Variants in MEGF6 observed in about 807,000 individuals in gnomAD.
The protein encoded by MEGF6 is multiple EGF like domains 6.
Under a neutral mutation model 207.1 loss-of-function variants are expected in MEGF6, and 184 were observed. That is an observed-to-expected ratio of 0.89 (90% CI 0.79 to 1.00). The LOEUF (loss-of-function observed/expected upper bound fraction) is 1.00. MEGF6 is among the 50% of genes least tolerant of loss of function. The pLI, the probability that MEGF6 is intolerant of heterozygous loss-of-function variation, is 0.00. For missense variants in MEGF6, 2,282 were observed against 2,202.9 expected, an observed-to-expected ratio of 1.04 and a Z score of -0.72; for synonymous variants, 1,038 against 910.0, an observed-to-expected ratio of 1.14 and a Z score of -2.53.
chr1:3,495,312 C>G (rs1272076951), intron 30 of MEGF6, among the ~76,000 whole-genome samples: 1 of 152,194 alleles, frequency 6.6e-6, no homozygotes, highest in African/African-American at 2.4e-5. Flanking sequence ...AGGCCAAGAA[C>G]TGCTGTGGGG....
At chr1:3,499,764 C>T (rs1294314673) in intron 22 of MEGF6, 32 bp downstream of exon 22, 1 of 1,581,664 alleles carries the variant, frequency 6.3e-7, no homozygotes, top group African/African-American at 1.3e-5. Context: ...TGGAGGCCAC[C>T]CAGCCTAGCC....
rs1013007246 is a variant in MEGF6, at chr1:3,565,523, G to A, written c.481+14302C>T. ...CAGGGAGCAGGACCAGGAGCCTATC[G>A]GTGCCTGGCTTGAGAGGAGGACGCT... On this transcript the variant is annotated intron_variant, in intron 4 of 36. Coordinates refer to ENST00000356575, the MANE Select transcript of MEGF6 (RefSeq NM_001409.4). This position sits in a 1 kb window ranked among gnomAD's most constrained non-coding sequence, Gnocchi z 4.8. Among the ~76,000 whole-genome samples, 2 of 152,176 alleles carry A rather than the reference G, an allele frequency of 1.3e-5. No homozygotes were observed. The highest frequency in any genetic ancestry group is 2.9e-5 in the Non-Finnish European group (2 of 68,022).
intron 3 of MEGF6, among the ~76,000 whole-genome samples, chr1:3,585,878 G>A (rs1025753467): frequency 7.0e-6 from 1 of 143,744 alleles, no homozygotes; most frequent in South Asian, 2.3e-4. Context: ...TGGGTGTGAG[G>A]ACACATGTCC....
intron 4 of MEGF6, among the ~76,000 whole-genome samples, chr1:3,535,413 C>A (rs1180418880): frequency 6.6e-6 from 1 of 152,196 alleles, no homozygotes; most frequent in Non-Finnish European, 1.5e-5. Context: ...CCTCATCTGA[C>A]AGGCAGCAGG....
upstream of MEGF6, among the ~76,000 whole-genome samples, chr1:3,611,890 G>C (rs1177170024): frequency 6.6e-6 from 1 of 151,966 alleles, no homozygotes; most frequent in Non-Finnish European, 1.5e-5. Flanking sequence ...CCGGGCGCCA[G>C]GGGGCCACAC....
chr1:3,500,057 A>C, intron 21 of MEGF6, 133 bp from the exon 22 acceptor site: 1 of 1,315,960 alleles, frequency 7.6e-7, no homozygotes, highest in Non-Finnish European at 1.0e-6. Flanking sequence ...TGCCCAAGGG[A>C]GACTGGGCTC....
rs746820115 is a variant in MEGF6, at chr1:3,492,726, AG to A, written c.4428del (p.Cys1477ValfsTer41). 9.9e-6 allele frequency: 16 copies of A among 1,612,458 alleles called. No homozygotes were observed. The highest frequency in any genetic ancestry group is 1.4e-5 in the Non-Finnish European group (16 of 1,179,844). On this transcript the variant is annotated frameshift_variant, in exon 35 of 37. Transcript: ENST00000356575. LOFTEE classifies it high-confidence loss of function. ...RGQFGPSCTL[H>X]CDCGGGADCD... ...CAGTCAGCCCCACCCCCGCAGTCAC[AG>A]TGCAGGGTGCAGCTGGGCCCAAACT...
At chr1:3,518,844 G>A (rs369111095) in intron 5 of MEGF6, among the ~76,000 whole-genome samples, 1 of 152,308 alleles carries the variant, frequency 6.6e-6, no homozygotes, top group South Asian at 2.1e-4. Flanking sequence ...GGCAGGCTGG[G>A]GTGCGTGTTC....
At chr1:3,549,497 G>T (rs1642818513) in intron 4 of MEGF6, among the ~76,000 whole-genome samples, 1 of 152,244 alleles carries the variant, frequency 6.6e-6, no homozygotes, top group African/African-American at 2.4e-5. Context: ...TAGGCGAGAA[G>T]ATGGGGGGCT....
At chr1:3,619,981 A>G in the MEGF6 span, among the ~76,000 whole-genome samples, 2 of 152,220 alleles carry the variant, frequency 1.3e-5, no homozygotes, top group East Asian at 1.9e-4. Context: ...GTCCAGGCTG[A>G]TGTGGTCTCA....
chr1:3,498,696 A>T lies in MEGF6; in HGVS notation c.3223+2T>A. On this transcript the variant is annotated splice_donor_variant, in intron 25 of 36. Coordinates refer to ENST00000356575, the MANE Select transcript of MEGF6 (RefSeq NM_001409.4). LOFTEE classifies it high-confidence loss of function. The stretch of plus-strand genomic sequence containing the variant: ...GTCCCTCCTCTGCCGCCCAGCGCTC[A>T]CCCTTCTCACAGGCCAGGCCGGCCC... The T allele has an allele frequency of 6.4e-7, 1 of 1,562,172 alleles. No individual in the cohort carries two copies. The highest frequency in any genetic ancestry group is 8.7e-7 in the Non-Finnish European group (1 of 1,156,066).
intron 4 of MEGF6, among the ~76,000 whole-genome samples, chr1:3,540,333 G>T (rs1351388343): frequency 2.6e-5 from 4 of 152,260 alleles, no homozygotes; most frequent in African/African-American, 9.6e-5. Flanking sequence ...TGCCTGGAAG[G>T]AACACACCTT....
At chr1:3,552,500 C>A (rs915758101) in intron 4 of MEGF6, among the ~76,000 whole-genome samples, 1 of 152,226 alleles carries the variant, frequency 6.6e-6, no homozygotes, top group Non-Finnish European at 1.5e-5. Flanking sequence ...ACTTTGAGAC[C>A]AGCCTGGGCA....
chr1:3,551,948 T>A (rs1389672458), intron 4 of MEGF6, among the ~76,000 whole-genome samples: 1 of 152,216 alleles, frequency 6.6e-6, no homozygotes, highest in Non-Finnish European at 1.5e-5. Flanking sequence ...CAAGCCTTGC[T>A]GGGTGCCCAG....
chr1:3,496,069 C>T (rs370346715), intron 29 of MEGF6, 51 bp from the exon 30 acceptor site: 83 of 1,464,646 alleles, frequency 5.7e-5, no homozygotes, highest in African/African-American at 3.4e-4. Context: ...TCTCCCTGCC[C>T]GGTCAACCCC....
intron 15 of MEGF6, 45 bp downstream of exon 15, chr1:3,506,062 AC>A (rs1220013984): frequency 4.8e-5 from 74 of 1,541,288 alleles, no homozygotes; most frequent in Non-Finnish European, 6.0e-5. Context: ...CATCCCTTCC[AC>A]CCGCTGCCAC....
At chr1:3,571,485 C>T (rs546359485) in intron 4 of MEGF6, among the ~76,000 whole-genome samples, 123 of 151,650 alleles carry the variant, frequency 8.1e-4, no homozygotes, top group Non-Finnish European at 1.4e-3. Context: ...TGGGTCCTCC[C>T]GGCTCCAAAG....
At chr1:3,555,364 A>AT (rs1643002337) in intron 4 of MEGF6, among the ~76,000 whole-genome samples, 1 of 152,188 alleles carries the variant, frequency 6.6e-6, no homozygotes, top group African/African-American at 2.4e-5. Context: ...CCAGGCTGGC[A>AT]TGGCCTCAGG....
rs576304264 is a variant in MEGF6 at position 3,594,322 on chromosome 1, G to A, written c.376+1016C>T. On this transcript the variant is annotated intron_variant, in intron 3 of 36. Transcript: ENST00000356575. The surrounding 1 kb of genome is among the most constrained non-coding windows in gnomAD (Gnocchi z 4.2). ...TGCACACCTACAGTCTCAGCCACTC[G>A]GGAGGCTGAGGTGGGAGGATTGCTT... 7.2e-5 allele frequency among the ~76,000 whole-genome samples: 11 copies of A among 152,194 alleles called. No individual in the cohort carries two copies. The highest frequency in any genetic ancestry group is 1.3e-4 in the Non-Finnish European group (9 of 68,038).
Sources: allele counts gnomAD v4.1 joint callset (sites outside exome capture counted in the v4.1 genomes callset), GRCh38; gene constraint gnomAD v4.1.1; non-coding constraint Gnocchi (gnomAD v3.1); transcripts MANE v1.5; gene names NCBI Gene and HGNC (gene_info 2026-07-23, HGNC 2026-07-21).